ZNF488: variants seen among roughly 807,000 people sequenced by gnomAD.
ZNF488 encodes zinc finger protein 488.
Under a neutral mutation model 1.2 loss-of-function variants are expected in ZNF488, and 1 was observed. That is an observed-to-expected ratio of 0.86 (90% confidence interval 0.30 to 4.07). The LOEUF (loss-of-function observed/expected upper bound fraction) is 4.07, where lower values mean the gene tolerates loss of function less well. Ranked by LOEUF, ZNF488 falls within the 30% of genes most tolerant of loss-of-function variation. ZNF488 has a pLI of 0.18. For synonymous variants in ZNF488, 185 were observed against 190.1 expected (o/e 0.97, Z 0.22); for missense variants, 450 against 437.9 (o/e 1.03, Z -0.25).
intron 1 of ZNF488, among the ~76,000 whole-genome samples, chr10:47,377,908 T>C (rs1025097935): frequency 6.6e-6 from 1 of 152,286 alleles, no homozygotes; most frequent in Admixed American, 6.5e-5. Context: ...CTCCTGACCC[T>C]CAGGAGTGCC....
intron 1 of ZNF488, among the ~76,000 whole-genome samples, chr10:47,369,634 G>A (rs1837391002): frequency 6.6e-6 from 1 of 152,154 alleles, no homozygotes; most frequent in Non-Finnish European, 1.5e-5. Flanking sequence ...TTTTCTCAGA[G>A]CCATGCTTCT....
Position 47,366,391 on chromosome 10 carries a change from G to A in ZNF488, c.*1416C>T, listed in dbSNP as rs182497251. The A allele has an allele frequency of 1.7e-4, 29 of 167,398 alleles. No homozygotes were observed. The highest frequency in any genetic ancestry group is 6.5e-4 in the African/African-American group (27 of 41,578). The allele number at this position is 167,398 out of a possible 1,614,324, so 10.4% of individuals were successfully genotyped here. A position where few individuals can be genotyped will look rare whatever the true frequency, so the allele number is the denominator to read the frequency against. Reference sequence around the variant, plus strand: ...AGGTGGGAGTGCTGCTGCCTGGAACGGTGGACAGAGGAGAGCAATAGAAGA... The same window carrying A: ...AGGTGGGAGTGCTGCTGCCTGGAACAGTGGACAGAGGAGAGCAATAGAAGA... On this transcript the variant is annotated 3_prime_UTR_variant, in exon 2 of 2. Coordinates refer to ENST00000585316, the MANE Select transcript of ZNF488 (RefSeq NM_153034.4).
chr10:47,368,712 C>T lies in ZNF488; in HGVS notation c.118G>A (p.Glu40Lys). The T allele has an allele frequency of 6.2e-7, 1 of 1,613,108 alleles. No individual in the cohort carries two copies. The part of the protein sequence containing the change: ...AENRWRLSEP[E>K]LGRGCKPVLL... ...ACTGGCTTGCAGCCCCGGCCCAGCT[C>T]AGGTTCGCTAAGTCGCCATCTGTTT... The change falls in exon 2 of 2, where the codon GAG (glutamate) becomes AAG (lysine). Residue 40 changes from glutamate (E) to lysine (K), a missense_variant. Transcript: ENST00000585316.
intron 1 of ZNF488, among the ~76,000 whole-genome samples, chr10:47,382,749 T>G (rs2376634): frequency 6.6e-6 from 1 of 152,316 alleles, no homozygotes; most frequent in Non-Finnish European, 1.5e-5. Context: ...ATACTTAATT[T>G]CTGTTTAATT....
At chr10:47,370,542 T>C (rs1368799005) in intron 1 of ZNF488, among the ~76,000 whole-genome samples, 15 of 152,238 alleles carry the variant, frequency 9.9e-5, no homozygotes, top group African/African-American at 3.6e-4. Flanking sequence ...CCTCAGGCGC[T>C]GGACTAACAA....
At chr10:47,374,387 C>G (rs570648015) in intron 1 of ZNF488, among the ~76,000 whole-genome samples, 26 of 152,242 alleles carry the variant, frequency 1.7e-4, no homozygotes, top group African/African-American at 5.5e-4. Flanking sequence ...CATGAATATT[C>G]AAATACAAAC....
intron 1 of ZNF488, among the ~76,000 whole-genome samples, chr10:47,370,293 C>A (rs782797553): frequency 1.6e-4 from 24 of 152,236 alleles, no homozygotes; most frequent in Non-Finnish European, 3.1e-4. Context: ...CTTTGCTTTC[C>A]AACTCTGATG....
chr10:47,374,059 A>C (rs1837580977), intron 1 of ZNF488, among the ~76,000 whole-genome samples: 1 of 152,178 alleles, frequency 6.6e-6, no homozygotes, highest in African/African-American at 2.4e-5. Context: ...GGGTGGGCAA[A>C]AGCTAAGATG....
At position 47,367,827 on chromosome 10, in the gene ZNF488, G is replaced by T; in HGVS notation, c.1003C>A (p.His335Asn). 1.2e-6 allele frequency: 2 copies of T among 1,611,856 alleles called. No homozygotes were observed. Among genetic ancestry groups the T allele is most frequent in the Middle Eastern group, 1.7e-4 (1 of 6,048 alleles). The change falls in exon 2 of 2, where the codon CAC (histidine) becomes AAC (asparagine). Residue 335 changes from histidine (H) to asparagine (N), a missense_variant. Coordinates refer to ENST00000585316, the MANE Select transcript of ZNF488 (RefSeq NM_153034.4). ...HFRERHHLSR[H>N]MTSHS is the part of the protein sequence containing the mutation. ...ACCTGCTAGCTGTGAGAAGTCATGTGCCGGGAGAGGTGGTGGCGCTCCCGG... is the reference window on the plus strand; with the variant it reads ...ACCTGCTAGCTGTGAGAAGTCATGTTCCGGGAGAGGTGGTGGCGCTCCCGG...
At position 47,368,367 on chromosome 10, in the gene ZNF488, C is replaced by T. The variant is rs376931059; in HGVS notation, c.463G>A (p.Ala155Thr). 8.1e-6 allele frequency: 13 copies of T among 1,614,080 alleles called. No homozygotes were observed. The African/African-American group carries it at 1.6e-4, about 20-fold the overall frequency. Reference sequence around the variant, plus strand: ...AAGGCGCTTCTTTGCTCACTTCGTGCTCCGCTGGGCCACACAGAGAAGACT... The same window carrying T: ...AAGGCGCTTCTTTGCTCACTTCGTGTTCCGCTGGGCCACACAGAGAAGACT... Reference protein sequence around the residue: ...SKVFSVWPSGARSEQRSAFSK... With the variant: ...SKVFSVWPSGTRSEQRSAFSK... Residue 155 changes from alanine to threonine, a missense_variant, in exon 2 of 2, where the codon GCA (alanine) becomes ACA (threonine). Coordinates refer to ENST00000585316, the MANE Select transcript of ZNF488 (RefSeq NM_153034.4).
intron 1 of ZNF488, among the ~76,000 whole-genome samples, chr10:47,378,527 C>T (rs1837783347): frequency 6.6e-6 from 1 of 152,142 alleles, no homozygotes; most frequent in African/African-American, 2.4e-5. Flanking sequence ...ATGAGAGCCT[C>T]CATGGCTTGC....
intron 1 of ZNF488, among the ~76,000 whole-genome samples, chr10:47,380,063 C>CTTGTT (rs1202572518): frequency 1.3e-4 from 20 of 151,938 alleles, no homozygotes; most frequent in Non-Finnish European, 2.5e-4. Flanking sequence ...CTATGAAGCC[C>CTTGTT]TTGTTCTCCT....
chr10:47,368,893 G>A lies in ZNF488; in HGVS notation c.-64C>T. The A allele has an allele frequency of 6.6e-7, 1 of 1,522,084 alleles. No individual in the cohort carries two copies. Among genetic ancestry groups the A allele is most frequent in the Non-Finnish European group, 8.8e-7 (1 of 1,137,224 alleles). 94.3% of individuals were successfully genotyped at this position (1,522,084 alleles called of 1,614,324 possible). On this transcript the variant is annotated 5_prime_UTR_variant, in exon 2 of 2. Transcript: ENST00000585316. ...GCCCAGCAAGGAGCCATGAGATATG[G>A]AAGCTCCCCATGACACTGGGCTGGA...
rs1234916778 is a variant in ZNF488 at position 47,366,524 on chromosome 10, A to G, written c.*1283T>C. 1 of 167,112 alleles carries G rather than the reference A, an allele frequency of 6.0e-6. No individual in the cohort carries two copies. Among genetic ancestry groups the G allele is most frequent in the African/African-American group, 2.4e-5 (1 of 41,446 alleles). 10.4% of individuals were successfully genotyped at this position (167,112 alleles called of 1,614,324 possible). A position where few individuals can be genotyped will look rare whatever the true frequency, so the allele number is the denominator to read the frequency against. ...GACTCATTGGAGGGCTGGAAACTGC[A>G]TATCAAAAGAACAATATCTGACAGT... is the stretch of plus-strand genomic sequence containing the variant. On this transcript the variant is annotated 3_prime_UTR_variant, in exon 2 of 2. Transcript: ENST00000585316.
intron 1 of ZNF488, among the ~76,000 whole-genome samples, chr10:47,379,007 C>T (rs1032697632): frequency 1.3e-5 from 2 of 152,206 alleles, no homozygotes; most frequent in Non-Finnish European, 2.9e-5. Context: ...CTCTGAGCCT[C>T]AGGTTTCCAT....
At chr10:47,383,779 G>C (rs1838076296) in intron 1 of ZNF488, among the ~76,000 whole-genome samples, 1 of 152,158 alleles carries the variant, frequency 6.6e-6, no homozygotes, top group Non-Finnish European at 1.5e-5. Context: ...AGCAACACAG[G>C]ATAAACCCCG....
Position 47,379,849 on chromosome 10 carries a change from G to A in ZNF488, c.-109+4371C>T, listed in dbSNP as rs145664156. Among the ~76,000 whole-genome samples, 38 of 152,178 alleles carry A rather than the reference G, an allele frequency of 2.5e-4. 1 individual carries two copies. In the South Asian group the frequency reaches 7.1e-3, roughly 28 times the overall value. On this transcript the variant is annotated intron_variant, in intron 1 of 1. Transcript: ENST00000585316. ...ATGGGGGTATCTCATTCCAGGTCAT[G>A]CTATACCCTGGCCAGGGCATTCTCT...
chr10:47,370,342 C>T (rs1442312951), intron 1 of ZNF488, among the ~76,000 whole-genome samples: 1 of 152,266 alleles, frequency 6.6e-6, no homozygotes, highest in Non-Finnish European at 1.5e-5. Context: ...GGCGTCCAAC[C>T]TATTCCCATT....
intron 1 of ZNF488, among the ~76,000 whole-genome samples, chr10:47,376,084 T>C (rs1555214391): frequency 6.6e-6 from 1 of 152,054 alleles, no homozygotes; most frequent in Non-Finnish European, 1.5e-5. Flanking sequence ...ATGAATAGCA[T>C]GGAAGTATTG....
Sources: gnomAD v4.1 joint callset for allele counts (sites outside exome capture counted in the v4.1 genomes callset) on GRCh38, gnomAD v4.1.1 for gene constraint, MANE v1.5 for transcripts, NCBI Gene and HGNC (gene_info 2026-07-23, HGNC 2026-07-21) for gene names.